Variants in SDK1 observed in about 807,000 individuals in gnomAD.
SDK1 encodes the protein protein sidekick-1.
SDK1 carries 157 observed loss-of-function variants against 245.5 expected under a neutral mutation model. The observed-to-expected ratio is 0.64, with a 90% CI of 0.56 to 0.73. SDK1 has a LOEUF of 0.73. Among genes scored for constraint, SDK1 ranks in the 30% least tolerant of loss-of-function variants. The probability of loss-of-function intolerance (pLI) is 0.00; values close to 1 mark genes in which losing one functional copy is unlikely to be tolerated. For synonymous variants in SDK1, 1,647 were observed against 1,278.5 expected, an observed-to-expected ratio of 1.29 and a Z score of -6.15; for missense variants, 3,583 against 3,002.3, an observed-to-expected ratio of 1.19 and a Z score of -4.52.
At chr7:3,759,984 G>A (rs1002695264) in intron 4 of SDK1, among the ~76,000 whole-genome samples, 2 of 151,940 alleles carry the variant, frequency 1.3e-5, no homozygotes, top group East Asian at 1.9e-4. Context: ...AATACTGGGG[G>A]TATAAATTTT....
At chr7:4,163,008 C>A (rs529362844) in intron 32 of SDK1, among the ~76,000 whole-genome samples, 2 of 152,210 alleles carry the variant, frequency 1.3e-5, no homozygotes, top group Non-Finnish European at 2.9e-5. Flanking sequence ...GGATCCGGGG[C>A]AGACAGATGT....
intron 4 of SDK1, among the ~76,000 whole-genome samples, chr7:3,798,650 G>A (rs1376089036): frequency 6.6e-6 from 1 of 152,122 alleles, no homozygotes; most frequent in Admixed American, 6.6e-5. Flanking sequence ...ACTTGTCACT[G>A]GCAGCGACAG....
intron 4 of SDK1, among the ~76,000 whole-genome samples, chr7:3,723,696 G>A (rs1288562521): frequency 2.7e-5 from 4 of 149,268 alleles, no homozygotes. Flanking sequence ...GTATATACAC[G>A]TACATATACA....
At chr7:4,089,074 C>A (rs1467819374) in intron 22 of SDK1, among the ~76,000 whole-genome samples, 1 of 140,622 alleles carries the variant, frequency 7.1e-6, no homozygotes, top group East Asian at 2.0e-4. Context: ...GGAGGTGAGA[C>A]CCTCCCTCAG....
intron 4 of SDK1, among the ~76,000 whole-genome samples, chr7:3,782,514 C>A (rs62437941): frequency 0.018 from 2,695 of 152,220 alleles, 32 homozygotes; most frequent in Non-Finnish European, 0.026. Flanking sequence ...TACCAAGGCA[C>A]ATAGTAATAC....
intron 1 of SDK1, among the ~76,000 whole-genome samples, chr7:3,418,267 A>C (rs1258530346): frequency 6.6e-6 from 1 of 151,970 alleles, no homozygotes; most frequent in Non-Finnish European, 1.5e-5. Context: ...CAGTGAGCCG[A>C]GATTGCGCCA....
intron 1 of SDK1, among the ~76,000 whole-genome samples, chr7:3,364,206 C>T (rs758630409): frequency 2.0e-5 from 3 of 152,128 alleles, no homozygotes; most frequent in Non-Finnish European, 2.9e-5. Context: ...GAACATTTGG[C>T]GTACAAATAT....
At chr7:3,448,122 T>C (rs56309522) in intron 1 of SDK1, among the ~76,000 whole-genome samples, 31,873 of 152,176 alleles carry the variant, frequency 0.21, 4,189 homozygotes, top group Middle Eastern at 0.34. Flanking sequence ...AGTAGATTTC[T>C]TTCCTAAATG....
chr7:4,207,122 A>T (rs190326358), intron 36 of SDK1, among the ~76,000 whole-genome samples: 5 of 152,260 alleles, frequency 3.3e-5, no homozygotes, highest in African/African-American at 1.2e-4. Flanking sequence ...TACATCCTGC[A>T]GGTGGAAATG....
chr7:4,112,951 G>A (rs931191346), intron 23 of SDK1, among the ~76,000 whole-genome samples: 1 of 151,824 alleles, frequency 6.6e-6, no homozygotes, highest in Non-Finnish European at 1.5e-5. Flanking sequence ...ACGAGATTTC[G>A]CCATGTTGGC....
At chr7:3,957,934 G>A (rs1281403811) in intron 7 of SDK1, 3 of 469,570 alleles carry the variant, frequency 6.4e-6, no homozygotes, top group East Asian at 1.4e-4. Context: ...CCAGGTAATC[G>A]CAGAAGTGAA....
At chr7:3,448,812 A>C (rs1483997471) in intron 1 of SDK1, among the ~76,000 whole-genome samples, 1 of 152,166 alleles carries the variant, frequency 6.6e-6, no homozygotes, top group Non-Finnish European at 1.5e-5. Context: ...TAAGGTAATG[A>C]CTTTTTAAAA....
At chr7:4,011,376 C>G (rs1232280083) in intron 15 of SDK1, among the ~76,000 whole-genome samples, 1 of 152,216 alleles carries the variant, frequency 6.6e-6, no homozygotes, top group African/African-American at 2.4e-5. Context: ...ATAAATCGCT[C>G]CTGACAGCAC....
chr7:3,509,239 A>G (rs1273001577), intron 1 of SDK1, among the ~76,000 whole-genome samples: 1 of 152,136 alleles, frequency 6.6e-6, no homozygotes, highest in Non-Finnish European at 1.5e-5. Flanking sequence ...CTTCTGTTAC[A>G]GATGCTTGGG....
At chr7:3,854,199 T>G (rs1257978140) in intron 5 of SDK1, among the ~76,000 whole-genome samples, 3 of 151,950 alleles carry the variant, frequency 2.0e-5, no homozygotes, top group African/African-American at 7.3e-5. Flanking sequence ...TACGGTGTGG[T>G]AGAGGAACCA....
At chr7:3,755,418 G>C (rs533298639) in intron 4 of SDK1, among the ~76,000 whole-genome samples, 1 of 152,144 alleles carries the variant, frequency 6.6e-6, no homozygotes, top group African/African-American at 2.4e-5. Flanking sequence ...ACACGGTCTG[G>C]CCATTGTCTG....
chr7:4,047,220 C>T (rs1789084601), intron 17 of SDK1, among the ~76,000 whole-genome samples: 1 of 152,052 alleles, frequency 6.6e-6, no homozygotes, highest in African/African-American at 2.4e-5. Context: ...TTAAATTTTG[C>T]CGAATGCTTT....
At chr7:3,428,270 A>G (rs1454015149) in intron 1 of SDK1, among the ~76,000 whole-genome samples, 12 of 152,166 alleles carry the variant, frequency 7.9e-5, no homozygotes, top group African/African-American at 2.9e-4. Context: ...TGTAATTATT[A>G]TTGATTAATT....
At chr7:4,046,446 T>G (rs1380733889) in intron 17 of SDK1, among the ~76,000 whole-genome samples, 1 of 152,220 alleles carries the variant, frequency 6.6e-6, no homozygotes, top group Non-Finnish European at 1.5e-5. Flanking sequence ...AGGTTTACAT[T>G]TATGCCTCTG....
Sources: allele counts gnomAD v4.1 joint callset (sites outside exome capture counted in the v4.1 genomes callset), GRCh38; gene constraint gnomAD v4.1.1; transcripts MANE v1.5; gene names NCBI Gene and HGNC (gene_info 2026-07-23, HGNC 2026-07-21).